The following PDHA1 variants were observed in gnomAD, a reference collection of about 807,000 sequenced individuals.
The protein encoded by PDHA1 is pyruvate dehydrogenase E1 subunit alpha 1, also known as pyruvate dehydrogenase E1 component subunit alpha, somatic form, mitochondrial.
In PDHA1, 1 loss-of-function variant was observed where a neutral mutation model predicts 33.0. That is an observed-to-expected ratio of 0.03 (90% CI 0.01 to 0.14). The LOEUF is 0.14. Among genes scored for constraint, PDHA1 ranks in the 10% least tolerant of loss-of-function variants. The probability of loss-of-function intolerance (pLI) is 1.00; values close to 1 mark genes in which losing one functional copy is unlikely to be tolerated. For synonymous variants in PDHA1, 123 were observed against 119.2 expected (o/e 1.03, Z -0.21); for missense variants, 168 against 325.1 (o/e 0.52, Z 3.72).
chrX:19,360,064 G>GATACA lies in PDHA1; in HGVS notation c.*415_*419dup, dbSNP rs1555936022. ...GTTCGCGCTGACCATTTCTCTACAA[G>GATACA]ATACAATATTTATTATCAGGCAAGA... On this transcript the variant is annotated 3_prime_UTR_variant, in exon 11 of 11. Transcript: ENST00000422285. The GATACA allele has an allele frequency of 1.1e-5, 2 of 189,398 alleles. No individual in the cohort carries two copies. Among genetic ancestry groups the GATACA allele is most frequent in the East Asian group, 2.9e-4 (2 of 6,805 alleles). The allele number at this position is 189,398 out of a possible 1,213,427, so 15.6% of individuals were successfully genotyped here.
At chrX:19,359,358 T>G in intron 10 of PDHA1, 131 bp from the exon 11 acceptor site, 1 of 559,025 alleles carries the variant, frequency 1.8e-6, no homozygotes, top group South Asian at 2.6e-5. Flanking sequence ...TATTCCAAAA[T>G]CTTCTGAATT....
At chrX:19,358,771 C>T (rs2063227018) in intron 9 of PDHA1, 145 bp from the exon 10 acceptor site, 1 of 493,234 alleles carries the variant, frequency 2.0e-6, no homozygotes, top group Non-Finnish European at 3.7e-6. Flanking sequence ...GTGACATAAG[C>T]ATTGGTATGC....
At position 19,343,980 on chromosome X, in the gene PDHA1, C is replaced by T. The variant is rs775567462; in HGVS notation, c.-58C>T. ...GGCACCTGAAGGAGACTTGGGGGCA[C>T]CCGCGTCGTGCCTCCTGGGTTGTGA... On this transcript the variant is annotated 5_prime_UTR_variant, in exon 1 of 11. Transcript: ENST00000422285. 17 of 1,112,733 alleles carry T rather than the reference C, an allele frequency of 1.5e-5. No homozygotes were observed. The highest frequency in any genetic ancestry group is 2.0e-5 in the Non-Finnish European group (16 of 810,695). The allele number at this position is 1,112,733 out of a possible 1,213,427, so 91.7% of individuals were successfully genotyped here.
Position 19,355,501 on chromosome X carries a change from G to C in PDHA1, c.756G>C (p.Leu252=), listed in dbSNP as rs768600287. 2.5e-5 allele frequency: 30 copies of C among 1,208,019 alleles called. No homozygotes were observed. Among genetic ancestry groups the C allele is most frequent in the Non-Finnish European group, 3.4e-5 (30 of 895,273 alleles). Residue 252 remains leucine, a synonymous_variant, in exon 7 of 11, where the codon CTG becomes CTC. Coordinates refer to ENST00000422285, the MANE Select transcript of PDHA1 (RefSeq NM_000284.4). ...YYKRGDFIPG[L]RVDGMDILCV... ...AGAGAGGCGATTTCATTCCTGGGCT[G>C]AGAGTAAGGACACCTGTGGTGGGGC...
At chrX:19,353,926 T>C (rs1041799369) in intron 5 of PDHA1, among the ~76,000 whole-genome samples, 4 of 111,563 alleles carry the variant, frequency 3.6e-5, no homozygotes, top group Non-Finnish European at 7.5e-5. Flanking sequence ...GATTCTATTA[T>C]GTGTTGTTTT....
intron 10 of PDHA1, among the ~76,000 whole-genome samples, 198 bp downstream of exon 10, chrX:19,359,222 T>G (rs750645861): frequency 9.0e-6 from 1 of 111,422 alleles, no homozygotes; most frequent in Non-Finnish European, 1.9e-5. Flanking sequence ...ACTCTTCAGA[T>G]TTCAGATTTT....
Position 19,351,358 on chromosome X carries a change from T to C in PDHA1, c.369T>C (p.Phe123=). ...TCACAGCCTACCGGGCTCACGGCTT[T>C]ACTTTCACCCGGGGCCTTTCCGTCC... ...HLITAYRAHG[F]TFTRGLSVRE... The change falls in exon 4 of 11, where the codon TTT becomes TTC. Residue 123 remains phenylalanine (F), a synonymous_variant. Coordinates refer to ENST00000422285, the MANE Select transcript of PDHA1 (RefSeq NM_000284.4). 8.3e-7 allele frequency: 1 copy of C among 1,210,732 alleles called. No individual in the cohort carries two copies. Among genetic ancestry groups the C allele is most frequent in the Non-Finnish European group, 1.1e-6 (1 of 894,354 alleles).
In PDHA1 at chrX:19,350,118, G is replaced by A. The variant is rs1022434857; in HGVS notation, c.291+8G>A. On this transcript the variant is annotated splice_region_variant and intron_variant, in intron 3 of 10. Coordinates refer to ENST00000422285, the MANE Select transcript of PDHA1 (RefSeq NM_000284.4). ...CACTTGTGTGATGGTCAGGTGAGTG[G>A]TAGGTTTGTGGTGGAACTGTGTTAT... is the stretch of plus-strand genomic sequence containing the variant. 8.5e-7 allele frequency: 1 copy of A among 1,182,555 alleles called. No individual in the cohort carries two copies. The highest frequency in any genetic ancestry group is 1.8e-5 in the South Asian group (1 of 56,360).
chrX:19,352,646 A>G (rs1283561903), intron 4 of PDHA1, among the ~76,000 whole-genome samples: 1 of 112,447 alleles, frequency 8.9e-6, no homozygotes, highest in Non-Finnish European at 1.9e-5. Context: ...TCAGCCTTCC[A>G]TATCTTCGGG....
At chrX:19,347,985 C>T (rs2063144167) in intron 1 of PDHA1, among the ~76,000 whole-genome samples, 1 of 112,359 alleles carries the variant, frequency 8.9e-6, no homozygotes, top group Admixed American at 9.5e-5. Context: ...TAGCTTTCTG[C>T]CTATTGGCTT....
In PDHA1 at chrX:19,360,558, A is replaced by G. The variant is rs1042669783; in HGVS notation, c.*905A>G. The G allele has an allele frequency of 8.0e-6, 3 of 374,646 alleles. No homozygotes were observed. Among genetic ancestry groups the G allele is most frequent in the Non-Finnish European group, 1.4e-5 (3 of 216,674 alleles). The allele number at this position is 374,646 out of a possible 1,213,427, so 30.9% of individuals were successfully genotyped here. A position where few individuals can be genotyped will look rare whatever the true frequency, so the allele number is the denominator to read the frequency against. On this transcript the variant is annotated 3_prime_UTR_variant, in exon 11 of 11. Coordinates refer to ENST00000422285, the MANE Select transcript of PDHA1 (RefSeq NM_000284.4). ...GGCTCACTGTTTTCACAATACACAC[A>G]GTTCTATGTTTATAAATAACAGGTT...
intron 1 of PDHA1, chrX:19,346,479 C>T: frequency 2.3e-6 from 1 of 427,495 alleles, no homozygotes; most frequent in Non-Finnish European, 4.2e-6. Flanking sequence ...CCACCACACC[C>T]AGCCAATTAA....
chrX:19,357,315 C>G, intron 8 of PDHA1: 3 of 275,678 alleles, frequency 1.1e-5, no homozygotes, highest in Non-Finnish European at 2.0e-5. Context: ...AGGCTAGTCT[C>G]GAACTCCTGG....
At chrX:19,347,066 T>G (rs1269149299) in intron 1 of PDHA1, among the ~76,000 whole-genome samples, 1 of 111,220 alleles carries the variant, frequency 9.0e-6, no homozygotes, top group Non-Finnish European at 1.9e-5. Flanking sequence ...AATTTTTTAA[T>G]ATTTATTTTT....
rs1449429211 is a variant in PDHA1, at chrX:19,359,776, T to TGTAGATTGAGCAGGTAGTAATTGCATGCA, written c.*126_*154dup. 1.6e-6 allele frequency: 1 copy of TGTAGATTGAGCAGGTAGTAATTGCATGCA among 628,103 alleles called. No individual in the cohort carries two copies. The highest frequency in any genetic ancestry group is 2.6e-6 in the Non-Finnish European group (1 of 386,445). 51.8% of individuals were successfully genotyped at this position (628,103 alleles called of 1,213,427 possible). A position where few individuals can be genotyped will look rare whatever the true frequency, so the allele number is the denominator to read the frequency against. On this transcript the variant is annotated 3_prime_UTR_variant, in exon 11 of 11. Transcript: ENST00000422285. ...AATTCTTGGAAACTTCCATTAAGTG[T>TGTAGATTGAGCAGGTAGTAATTGCATGCA]GTAGATTGAGCAGGTAGTAATTGCA...
rs766631999 is a variant in PDHA1, at chrX:19,359,617, T to C, written c.1137T>C (p.Gly379=). The change falls in exon 11 of 11, where the codon GGT becomes GGC. Residue 379 remains glycine, a synonymous_variant. Coordinates refer to ENST00000422285, the MANE Select transcript of PDHA1 (RefSeq NM_000284.4). ...GCGACCCACCTTTTGAAGTTCGTGG[T>C]GCCAATCAGTGGATCAAGTTTAAGT... is the stretch of plus-strand genomic sequence containing the variant. ...YSSDPPFEVR[G]ANQWIKFKSV... 8.3e-7 allele frequency: 1 copy of C among 1,209,371 alleles called. No individual in the cohort carries two copies. The highest frequency in any genetic ancestry group is 3.0e-5 in the East Asian group (1 of 33,742).
rs1342632550 is a variant in PDHA1, at chrX:19,356,996, G to A, written c.832-656G>A. On this transcript the variant is annotated intron_variant, in intron 8 of 10. Coordinates refer to ENST00000422285, the MANE Select transcript of PDHA1 (RefSeq NM_000284.4). ...GGGGTTTGGGTAGCAGAGGTTGTTG[G>A]TGCCTGCCAACTTTGTTACACACTA... Among the ~76,000 whole-genome samples the A allele has an allele frequency of 2.7e-5, 3 of 112,185 alleles. No homozygotes were observed. The East Asian group carries it at 8.4e-4, about 32-fold the overall frequency.
Position 19,355,442 on chromosome X carries a change from G to A in PDHA1, c.697G>A (p.Val233Ile), listed in dbSNP as rs372505888. 7.4e-6 allele frequency: 9 copies of A among 1,210,817 alleles called. No individual in the cohort carries two copies. In the African/African-American group the frequency reaches 1.4e-4, roughly 19 times the overall value. The part of the protein sequence containing the change: ...ENNRYGMGTS[V>I]ERAAASTDYY... Reference sequence around the variant, plus strand: ...TAATCGCTATGGAATGGGAACGTCTGTTGAGAGAGCGGCAGCCAGCACTGA... The same window carrying A: ...TAATCGCTATGGAATGGGAACGTCTATTGAGAGAGCGGCAGCCAGCACTGA... The change falls in exon 7 of 11, where the codon GTT (valine) becomes ATT (isoleucine). Residue 233 changes from valine (V) to isoleucine (I), a missense_variant. Physicochemically the swap from Val to Ile is conservative, Grantham distance 29 (BLOSUM62 3). This residue lies in a region of PDHA1 where 27 missense variants were observed against 43.8 expected (regional missense o/e 0.62). Transcript: ENST00000422285.
intron 4 of PDHA1, among the ~76,000 whole-genome samples, chrX:19,352,446 G>C (rs960524086): frequency 1.8e-5 from 2 of 110,714 alleles, no homozygotes; most frequent in Non-Finnish European, 3.8e-5. Context: ...ATGTTGGCCA[G>C]GCTGGTCTTG....
Sources: gnomAD v4.1 joint callset for allele counts (sites outside exome capture counted in the v4.1 genomes callset) on GRCh38, gnomAD v4.1.1 for gene constraint, gnomAD v4.1.1 regional missense constraint, MANE v1.5 for transcripts, NCBI Gene and HGNC (gene_info 2026-07-23, HGNC 2026-07-21) for gene names.